Variants in CACNG6 observed in about 807,000 individuals in gnomAD.
CACNG6 encodes calcium voltage-gated channel auxiliary subunit gamma 6, also known as voltage-dependent calcium channel gamma-6 subunit.
Under a neutral mutation model 23.9 loss-of-function variants are expected in CACNG6, and 21 were observed. The observed-to-expected ratio is 0.88, with a 90% CI of 0.62 to 1.26. The LOEUF (loss-of-function observed/expected upper bound fraction) is 1.26. Among genes scored for constraint, CACNG6 ranks in the 50% most tolerant of loss-of-function variants. CACNG6 has a pLI of 0.00. For synonymous variants in CACNG6, 182 were observed against 168.9 expected, an observed-to-expected ratio of 1.08 and a Z score of -0.60; for missense variants, 340 against 352.9, an observed-to-expected ratio of 0.96 and a Z score of 0.29.
chr19:53,993,812 C>T (rs1223911026), intron 1 of CACNG6, among the ~76,000 whole-genome samples: 1 of 151,514 alleles, frequency 6.6e-6, no homozygotes, highest in African/African-American at 2.4e-5. Context: ...GCTATGGTCC[C>T]AGATGATTCT....
At chr19:53,995,535 A>C (rs77147121) in intron 1 of CACNG6, among the ~76,000 whole-genome samples, 16,035 of 152,106 alleles carry the variant, frequency 0.11, 1,129 homozygotes, top group African/African-American at 0.2. Flanking sequence ...TAGCCAAAAG[A>C]GGATGCCAGG....
At chr19:54,006,522 C>CTTTTTT (rs766609552) in intron 3 of CACNG6, among the ~76,000 whole-genome samples, 817 of 34,142 alleles carry the variant, frequency 0.024, no homozygotes, top group Non-Finnish European at 0.031. Flanking sequence ...TCTTTCTTTT[C>CTTTTTT]TTTTTTTTTT....
intron 3 of CACNG6, among the ~76,000 whole-genome samples, chr19:54,011,227 T>TATACACACACACACACAC (rs1442985544): frequency 5.2e-5 from 5 of 95,326 alleles, no homozygotes; most frequent in African/African-American, 2.9e-4. Context: ...TATATATATA[T>TATACACACACACACACAC]ACACACACAC....
At chr19:53,996,800 G>A (rs2069525336) in intron 1 of CACNG6, among the ~76,000 whole-genome samples, 1 of 148,146 alleles carries the variant, frequency 6.8e-6, no homozygotes, top group Non-Finnish European at 1.5e-5. Flanking sequence ...AATATATAGT[G>A]TTAGTTTATA....
Position 54,002,282 on chromosome 19 carries a change from TTG to T in CACNG6, c.544+2513_544+2514del, listed in dbSNP as rs1568815088. On this transcript the variant is annotated intron_variant, in intron 3 of 3. Coordinates refer to ENST00000252729, the MANE Select transcript of CACNG6 (RefSeq NM_145814.2). ...CTAATTTTCGGTTTTTTTGTTTTTT[TTG>T]TTTTTTTTTTTTTTGTAGAGATAGG... 2.3e-4 allele frequency among the ~76,000 whole-genome samples: 30 copies of T among 129,648 alleles called. 4 individuals carry two copies. The highest frequency in any genetic ancestry group is 7.9e-4 in the African/African-American group (23 of 29,050). The allele number at this position is 129,648 out of a possible 152,430, so 85.1% of individuals were successfully genotyped here. A position where few individuals can be genotyped will look rare whatever the true frequency, so the allele number is the denominator to read the frequency against.
chr19:54,000,402 T>C (rs1247931261), intron 3 of CACNG6, among the ~76,000 whole-genome samples: 1 of 152,170 alleles, frequency 6.6e-6, no homozygotes. Context: ...AATGCTCTTT[T>C]AGATTTGAGA....
At chr19:53,998,529 T>TTTTGG (rs2069544874) in intron 2 of CACNG6, among the ~76,000 whole-genome samples, 1 of 127,966 alleles carries the variant, frequency 7.8e-6, no homozygotes, top group Non-Finnish European at 1.7e-5. Flanking sequence ...TTTTTTTTTT[T>TTTTGG]GAGATGATGT....
intron 3 of CACNG6, among the ~76,000 whole-genome samples, chr19:54,011,203 A>AT (rs1236174156): frequency 5.0e-4 from 50 of 100,634 alleles, no homozygotes; most frequent in African/African-American, 1.5e-3. Flanking sequence ...AAAAAAAAAA[A>AT]AAATATATAT....
upstream of CACNG6, among the ~76,000 whole-genome samples, chr19:53,991,374 G>A (rs1475620239): frequency 1.3e-5 from 2 of 151,924 alleles, no homozygotes; most frequent in Non-Finnish European, 2.9e-5. Flanking sequence ...CCTGCTGCCC[G>A]GGAGACTGCG....
chr19:54,010,688 C>T (rs536700590), intron 3 of CACNG6, among the ~76,000 whole-genome samples: 88 of 152,196 alleles, frequency 5.8e-4, no homozygotes, highest in African/African-American at 2.1e-3. Context: ...GATCCTCCCA[C>T]CTCAGCCTCC....
chr19:54,006,613 A>G (rs1219305221), intron 3 of CACNG6, among the ~76,000 whole-genome samples: 5 of 136,334 alleles, frequency 3.7e-5, no homozygotes, highest in African/African-American at 1.1e-4. Flanking sequence ...TGCTCACTGC[A>G]ACCTCCCCCT....
At chr19:54,004,320 G>C (rs2069611493) in intron 3 of CACNG6, among the ~76,000 whole-genome samples, 1 of 138,466 alleles carries the variant, frequency 7.2e-6, no homozygotes, top group Non-Finnish European at 1.5e-5. Context: ...ACCACGCCTG[G>C]TTAATTTTGT....
chr19:54,009,776 CTTT>C (rs1229411375), intron 3 of CACNG6, among the ~76,000 whole-genome samples: 1 of 90,370 alleles, frequency 1.1e-5, no homozygotes, highest in Non-Finnish European at 2.3e-5. Flanking sequence ...TTCTTTTTTG[CTTT>C]TTTTAAAAAA....
chr19:54,010,326 T>C (rs1205274569), intron 3 of CACNG6, among the ~76,000 whole-genome samples: 1 of 152,020 alleles, frequency 6.6e-6, no homozygotes, highest in East Asian at 1.9e-4. Flanking sequence ...ATTTTTGTAT[T>C]TTTAGTAGAG....
intron 2 of CACNG6, 90 bp downstream of exon 2, chr19:53,998,403 C>A: frequency 8.5e-7 from 1 of 1,171,022 alleles, no homozygotes; most frequent in South Asian, 1.3e-5. Context: ...CCCTCCTCTG[C>A]TTTACCCCAG....
intron 2 of CACNG6, among the ~76,000 whole-genome samples, chr19:53,999,155 C>T (rs158197): frequency 0.21 from 31,956 of 152,082 alleles, 4,142 homozygotes; most frequent in African/African-American, 0.36. Flanking sequence ...TGTGAGCCAC[C>T]GCACCTGGTC....
In CACNG6 at chr19:54,011,190, T is replaced by TAAAAAAAA. The variant is rs142489178; in HGVS notation, c.545-752_545-745dup. On this transcript the variant is annotated intron_variant, in intron 3 of 3. Coordinates refer to ENST00000252729, the MANE Select transcript of CACNG6 (RefSeq NM_145814.2). ...CAACATGGTGAAACCCCGTCTCTACTAAAAAAAAAAAAAAAATATATATAT... is the reference window on the plus strand; with the variant it reads ...CAACATGGTGAAACCCCGTCTCTACTAAAAAAAAAAAAAAAAAAAAAAAATATATATAT... 5.6e-4 allele frequency among the ~76,000 whole-genome samples: 33 copies of TAAAAAAAA among 59,162 alleles called. 1 individual carries two copies. The highest frequency in any genetic ancestry group is 2.8e-3 in the African/African-American group (29 of 10,416). The allele number at this position is 59,162 out of a possible 152,430, so 38.8% of individuals were successfully genotyped here. A position where few individuals can be genotyped will look rare whatever the true frequency, so the allele number is the denominator to read the frequency against.
chr19:54,002,303 A>T (rs2069588347), intron 3 of CACNG6, among the ~76,000 whole-genome samples: 2 of 103,492 alleles, frequency 1.9e-5, no homozygotes. Context: ...TTTTTTGTAG[A>T]GATAGGGTTT....
In CACNG6 at chr19:53,993,197, A is replaced by C. The variant is rs1568810143; in HGVS notation, c.320A>C (p.Glu107Ala). 6.5e-7 allele frequency: 1 copy of C among 1,539,912 alleles called. No individual in the cohort carries two copies. The highest frequency in any genetic ancestry group is 8.7e-7 in the Non-Finnish European group (1 of 1,145,518). Residue 107 changes from glutamate (E) to alanine (A), a missense_variant, in exon 1 of 4, where the codon GAG becomes GCG. By Grantham distance (107) the Glu-to-Ala change is moderately radical. Coordinates refer to ENST00000252729, the MANE Select transcript of CACNG6 (RefSeq NM_145814.2). ...GACAGGGACACCTGCGGCCCCGCGG[A>C]GCTGCCCGGAGGTGAGCAGCCGCCG... is the stretch of plus-strand genomic sequence containing the variant. The part of the protein sequence containing the change: ...PVDRDTCGPA[E>A]LPGEANCTYF...
Sources: allele counts gnomAD v4.1 joint callset (sites outside exome capture counted in the v4.1 genomes callset), GRCh38; gene constraint gnomAD v4.1.1; transcripts MANE v1.5; gene names NCBI Gene and HGNC (gene_info 2026-07-23, HGNC 2026-07-21).